PXDNL: variants seen among roughly 807,000 people sequenced by gnomAD.
PXDNL encodes the protein probable oxidoreductase PXDNL.
PXDNL carries 145 observed loss-of-function variants against 150.8 expected under a neutral mutation model. The ratio of observed to expected loss-of-function variants is 0.96; its 90% CI spans 0.84 to 1.10. The LOEUF is 1.10. Among genes scored for constraint, PXDNL ranks in the 50% least tolerant of loss-of-function variants. The pLI is 0.00. For synonymous variants in PXDNL, 757 were observed against 725.7 expected, an observed-to-expected ratio of 1.04 and a Z score of -0.69; for missense variants, 2,087 against 1,873.9, an observed-to-expected ratio of 1.11 and a Z score of -2.10.
At chr8:51,339,894 G>A in intron 20 of PXDNL, 141 bp from the exon 21 acceptor site, 1 of 703,496 alleles carries the variant, frequency 1.4e-6, no homozygotes, top group Admixed American at 3.3e-5. Context: ...AAGGAAAATG[G>A]TATGAGTGGA....
At chr8:51,454,244 G>A (rs1809877716) in intron 9 of PXDNL, among the ~76,000 whole-genome samples, 1 of 152,202 alleles carries the variant, frequency 6.6e-6, no homozygotes. Flanking sequence ...GCCACTTTGT[G>A]ATTAAGAGGT....
chr8:51,644,337 T>TAC (rs371179403), intron 2 of PXDNL, among the ~76,000 whole-genome samples: 1,411 of 50,216 alleles, frequency 0.028, 343 homozygotes, highest in South Asian at 0.057. Context: ...TATATATATA[T>TAC]ACACACACAC....
rs1298233980 is a variant in PXDNL, at chr8:51,355,195, A to C, written c.3902-9248T>G. On this transcript the variant is annotated intron_variant, in intron 19 of 22. Transcript: ENST00000356297. ...TACTTCGAAGGCATTTTATAAGTTAAGCATGAAAATACTACAGTGTCATGA... is the reference window on the plus strand; with the variant it reads ...TACTTCGAAGGCATTTTATAAGTTACGCATGAAAATACTACAGTGTCATGA... Among the ~76,000 whole-genome samples, 4 of 152,348 alleles carry C rather than the reference A, an allele frequency of 2.6e-5. No individual in the cohort carries two copies. In the South Asian group the frequency reaches 6.2e-4, roughly 24 times the overall value.
chr8:51,488,310 G>A (rs1188659414), intron 5 of PXDNL, among the ~76,000 whole-genome samples: 1 of 152,196 alleles, frequency 6.6e-6, no homozygotes, highest in East Asian at 1.9e-4. Flanking sequence ...ATCCTATGAG[G>A]CAGGAGCAAT....
intron 3 of PXDNL, among the ~76,000 whole-genome samples, chr8:51,569,094 T>C (rs1198148183): frequency 6.6e-6 from 1 of 151,892 alleles, no homozygotes; most frequent in Non-Finnish European, 1.5e-5. Context: ...CGAATCTGAG[T>C]CTAGTTCTGA....
intron 14 of PXDNL, among the ~76,000 whole-genome samples, chr8:51,414,717 C>A (rs1808747935): frequency 6.6e-6 from 1 of 152,090 alleles, no homozygotes; most frequent in South Asian, 2.1e-4. Flanking sequence ...ATAAATGACA[C>A]AAATAGCTGA....
intron 1 of PXDNL, among the ~76,000 whole-genome samples, chr8:51,730,216 T>TATC (rs1554510354): frequency 6.6e-6 from 1 of 151,862 alleles, no homozygotes; most frequent in East Asian, 1.9e-4. Flanking sequence ...CAAGATGGCA[T>TATC]ATGGGCCCTC....
At chr8:51,482,993 C>T (rs1810636584) in intron 6 of PXDNL, among the ~76,000 whole-genome samples, 1 of 152,028 alleles carries the variant, frequency 6.6e-6, no homozygotes, top group South Asian at 2.1e-4. Flanking sequence ...ATAACTGGAA[C>T]TTATACTTGT....
intron 1 of PXDNL, among the ~76,000 whole-genome samples, chr8:51,676,497 G>A (rs563268934): frequency 2.6e-5 from 4 of 151,968 alleles, no homozygotes; most frequent in Admixed American, 6.6e-5. Flanking sequence ...GGCTGGTCTC[G>A]AACTCGTGAC....
chr8:51,642,399 A>G (rs1011069883), intron 2 of PXDNL, among the ~76,000 whole-genome samples: 8 of 152,172 alleles, frequency 5.3e-5, no homozygotes, highest in African/African-American at 1.9e-4. Context: ...ATGCAAATCA[A>G]TAAACATAAT....
chr8:51,780,654 C>CTTTTTTTTTTTTTTTTTTTTT (rs71237240), intron 1 of PXDNL, among the ~76,000 whole-genome samples: 10 of 75,164 alleles, frequency 1.3e-4, no homozygotes, highest in Non-Finnish European at 1.9e-4. Context: ...CTTTTCTTTT[C>CTTTTTTTTTTTTTTTTTTTTT]TTTTTTTTTT....
intron 1 of PXDNL, among the ~76,000 whole-genome samples, chr8:51,779,032 T>G (rs1585744106): frequency 6.6e-6 from 1 of 152,188 alleles, no homozygotes; most frequent in Non-Finnish European, 1.5e-5. Context: ...CTGGCTCTCA[T>G]AGGATTATGA....
chr8:51,378,346 G>A (rs968982927), intron 17 of PXDNL, among the ~76,000 whole-genome samples: 1 of 152,054 alleles, frequency 6.6e-6, no homozygotes, highest in Non-Finnish European at 1.5e-5. Context: ...TCTAGCTCAA[G>A]GTTTGTAAAT....
At chr8:51,382,732 G>T (rs186901943) in intron 17 of PXDNL, among the ~76,000 whole-genome samples, 1 of 152,010 alleles carries the variant, frequency 6.6e-6, no homozygotes, top group Admixed American at 6.6e-5. Context: ...TGAATGGTTA[G>T]AATTAAATTA....
chr8:51,388,103 C>T (rs1807777462), intron 17 of PXDNL, among the ~76,000 whole-genome samples: 1 of 152,010 alleles, frequency 6.6e-6, no homozygotes, highest in Non-Finnish European at 1.5e-5. Context: ...GTATAATGTG[C>T]TCTTTAAAAT....
At chr8:51,577,958 A>AGAAG (rs1813100587) in intron 3 of PXDNL, among the ~76,000 whole-genome samples, 2 of 100,872 alleles carry the variant, frequency 2.0e-5, no homozygotes, top group East Asian at 4.8e-4. Context: ...AAAGAAAGAA[A>AGAAG]GAAAGAAAGA....
At chr8:51,457,972 T>A (rs544928515) in intron 8 of PXDNL, among the ~76,000 whole-genome samples, 147 of 152,278 alleles carry the variant, frequency 9.7e-4, no homozygotes, top group African/African-American at 3.4e-3. Context: ...TGACAGACAC[T>A]TCAGCACATT....
intron 1 of PXDNL, among the ~76,000 whole-genome samples, chr8:51,768,551 A>T (rs965651439): frequency 2.0e-5 from 3 of 152,254 alleles, no homozygotes; most frequent in African/African-American, 7.2e-5. Flanking sequence ...GATGTCAATA[A>T]CAATCAAGTT....
intron 1 of PXDNL, among the ~76,000 whole-genome samples, chr8:51,692,374 G>A (rs753180784): frequency 6.6e-6 from 1 of 152,068 alleles, no homozygotes; most frequent in East Asian, 1.9e-4. Flanking sequence ...ATATTTTTTA[G>A]TCAGTATCCA....
Sources: allele counts gnomAD v4.1 joint callset (sites outside exome capture counted in the v4.1 genomes callset), GRCh38; gene constraint gnomAD v4.1.1; transcripts MANE v1.5; gene names NCBI Gene and HGNC (gene_info 2026-07-23, HGNC 2026-07-21).